The following DNAH8 variants were observed in gnomAD, a reference collection of about 807,000 sequenced individuals.
DNAH8 encodes axonemal beta dynein heavy chain 8.
DNAH8 carries 382 observed loss-of-function variants against 562.1 expected under a neutral mutation model. That is an observed-to-expected ratio of 0.68 (90% CI 0.63 to 0.74). DNAH8 has a LOEUF of 0.74. Ranked by LOEUF, DNAH8 falls within the 30% of genes least tolerant of loss-of-function variation. DNAH8 has a pLI of 0.00. For synonymous variants in DNAH8, 1,881 were observed against 1,919.4 expected, an observed-to-expected ratio of 0.98 and a Z score of 0.52; for missense variants, 5,203 against 5,620.4, an observed-to-expected ratio of 0.93 and a Z score of 2.37.
chr6:38,923,930 C>T, intron 72 of DNAH8, 61 bp from the exon 73 acceptor site: 1 of 1,578,626 alleles, frequency 6.3e-7, no homozygotes, highest in Non-Finnish European at 8.7e-7. Flanking sequence ...ACTGTGACCT[C>T]TCAAACAACT....
At chr6:38,968,942 TAGTC>T (rs767259420) in intron 82 of DNAH8, among the ~76,000 whole-genome samples, 10 of 152,310 alleles carry the variant, frequency 6.6e-5, no homozygotes, top group Non-Finnish European at 8.8e-5. Flanking sequence ...TGTGAACTCT[TAGTC>T]AGCCATAAAA....
At chr6:38,743,846 C>CTTTTTGTGTTGTATATTGTGTTGTA (rs1231464994) in intron 8 of DNAH8, among the ~76,000 whole-genome samples, 1 of 152,036 alleles carries the variant, frequency 6.6e-6, no homozygotes, top group Admixed American at 6.6e-5. Context: ...TACTGTACAA[C>CTTTTTGTGTTGTATATTGTGTTGTA]TTTTTGTGTT....
chr6:38,926,494 T>C (rs1374603683), intron 74 of DNAH8, among the ~76,000 whole-genome samples: 1 of 152,166 alleles, frequency 6.6e-6, no homozygotes, highest in Non-Finnish European at 1.5e-5. Context: ...TTTGGGCCTA[T>C]AGGAAAGTGG....
intron 68 of DNAH8, among the ~76,000 whole-genome samples, chr6:38,916,494 C>T (rs966627445): frequency 2.6e-5 from 4 of 152,132 alleles, no homozygotes; most frequent in African/African-American, 9.7e-5. Flanking sequence ...GAGGACAAGA[C>T]TATTTTGGTT....
In DNAH8 at chr6:38,845,619, C is replaced by G. The variant is rs1327818594; in HGVS notation, c.4891C>G (p.Leu1631Val). ...TAAGGAGAAGGATATCGAAGCCAAG[C>G]TGACTCAGGTGATTGAGAATTGGAC... ...AIKEKDIEAKLTQVIENWTNQ... is the reference protein window; with the variant it reads ...AIKEKDIEAKVTQVIENWTNQ... Residue 1631 changes from leucine to valine, a missense_variant, in exon 36 of 93, where the codon CTG becomes GTG. This residue lies in a region of DNAH8 where 2,176 missense variants were observed against 2,365.1 expected (regional missense o/e 0.92). Transcript: ENST00000327475. The G allele has an allele frequency of 1.9e-6, 3 of 1,613,906 alleles. No homozygotes were observed. The highest frequency in any genetic ancestry group is 1.6e-4 in the Middle Eastern group (1 of 6,062).
chr6:38,725,217 C>T (rs894752729), intron 3 of DNAH8, among the ~76,000 whole-genome samples: 5 of 149,052 alleles, frequency 3.4e-5, no homozygotes, highest in African/African-American at 7.7e-5. Context: ...GCAGGAGGAT[C>T]GCTTGAACCT....
rs779150226 is a variant in DNAH8, at chr6:38,791,614, G to T, written c.2841G>T (p.Val947=). The T allele has an allele frequency of 6.2e-7, 1 of 1,613,804 alleles. No homozygotes were observed. The change falls in exon 21 of 93, where the codon GTG becomes GTT. Residue 947 remains valine, a synonymous_variant. Coordinates refer to ENST00000327475, the MANE Select transcript of DNAH8 (RefSeq NM_001206927.2). ...TTCTGAAGGAGATAGCCAAAACTGT[G>T]TTGATTTCTCTGCCTGAAAGTGGTG... ...DTVLKEIAKT[V]LISLPESGAT... is the part of the protein sequence containing the mutation.
intron 85 of DNAH8, among the ~76,000 whole-genome samples, chr6:38,979,471 T>C (rs1763894312): frequency 6.6e-6 from 1 of 152,200 alleles, no homozygotes; most frequent in Non-Finnish European, 1.5e-5. Flanking sequence ...TAGGTTCTAG[T>C]TGTTTGAGTC....
At chr6:38,912,729 T>C (rs1416664060) in intron 66 of DNAH8, among the ~76,000 whole-genome samples, 3 of 152,216 alleles carry the variant, frequency 2.0e-5, no homozygotes, top group African/African-American at 7.2e-5. Context: ...AATTAACTCA[T>C]GTATACTTAC....
intron 65 of DNAH8, 33 bp from the exon 66 acceptor site, chr6:38,911,435 A>T (rs993204683): frequency 1.3e-6 from 2 of 1,483,568 alleles, no homozygotes; most frequent in African/African-American, 2.8e-5. Context: ...ACGCACAATG[A>T]TTGAAATGGT....
intron 77 of DNAH8, among the ~76,000 whole-genome samples, chr6:38,936,814 C>A (rs1783009524): frequency 6.6e-6 from 1 of 152,172 alleles, no homozygotes; most frequent in South Asian, 2.1e-4. Flanking sequence ...AGACAGCATA[C>A]CCGTTGGAGT....
chr6:38,899,001 A>G (rs2150504550), intron 61 of DNAH8, among the ~76,000 whole-genome samples: 1 of 152,340 alleles, frequency 6.6e-6, no homozygotes, highest in African/African-American at 2.4e-5. Flanking sequence ...GATAGAATTT[A>G]CACATACCAG....
intron 21 of DNAH8, among the ~76,000 whole-genome samples, chr6:38,798,240 T>C (rs1770466230): frequency 6.6e-6 from 1 of 152,200 alleles, no homozygotes; most frequent in African/African-American, 2.4e-5. Flanking sequence ...CACAAGTCTG[T>C]GAATATACTA....
chr6:38,733,257 TGCA>T (rs1562581391), intron 4 of DNAH8, among the ~76,000 whole-genome samples: 2 of 87,816 alleles, frequency 2.3e-5, no homozygotes, highest in Admixed American at 1.0e-4. Context: ...TGTTGATTTT[TGCA>T]AATTAATATT....
rs1554143716 is a variant in DNAH8 at position 38,951,560 on chromosome 6, A to G, written c.12451+40A>G. On this transcript the variant is annotated intron_variant, in intron 82 of 92. Transcript: ENST00000327475. ...CTACAAAATGTAGCAACACTTCCAT[A>G]TTTTTTTGCCCCAAATTTTGCCTTT... is the stretch of plus-strand genomic sequence containing the variant. 6 of 1,559,020 alleles carry G rather than the reference A, an allele frequency of 3.8e-6. No individual in the cohort carries two copies. The East Asian group carries it at 9.1e-5, about 24-fold the overall frequency.
intron 83 of DNAH8, among the ~76,000 whole-genome samples, chr6:38,972,263 G>C (rs1763398102): frequency 6.6e-6 from 1 of 152,050 alleles, no homozygotes; most frequent in Admixed American, 6.6e-5. Flanking sequence ...AATAAAATAA[G>C]ATATTGGTTT....
chr6:38,746,888 C>T (rs1764987599), intron 8 of DNAH8, among the ~76,000 whole-genome samples: 1 of 151,562 alleles, frequency 6.6e-6, no homozygotes, highest in Non-Finnish European at 1.5e-5. Context: ...GAGATTGTGC[C>T]ACTGCACTCC....
chr6:38,759,432 G>GT (rs1766277152), intron 10 of DNAH8, among the ~76,000 whole-genome samples: 1 of 152,158 alleles, frequency 6.6e-6, no homozygotes, highest in African/African-American at 2.4e-5. Flanking sequence ...CACATTTTAA[G>GT]TTTTTTTAAA....
chr6:38,850,227 T>C, intron 37 of DNAH8, 24 bp from the exon 38 acceptor site: 2 of 1,605,616 alleles, frequency 1.2e-6, no homozygotes, highest in Non-Finnish European at 1.7e-6. Flanking sequence ...TGCTAATCTT[T>C]ACTGGCTATG....
Sources: allele counts gnomAD v4.1 joint callset (sites outside exome capture counted in the v4.1 genomes callset), GRCh38; gene constraint gnomAD v4.1.1; regional missense constraint gnomAD v4.1.1; transcripts MANE v1.5; gene names NCBI Gene and HGNC (gene_info 2026-07-23, HGNC 2026-07-21).